The following GRHL1 variants were observed in gnomAD, a reference collection of about 807,000 sequenced individuals.
The protein encoded by GRHL1 is grainyhead-like protein 1 homolog.
GRHL1 carries 38 observed loss-of-function variants against 75.7 expected under a neutral mutation model. The observed-to-expected ratio is 0.50, with a 90% CI of 0.39 to 0.66. GRHL1 has a LOEUF of 0.66. Among genes scored for constraint, GRHL1 ranks in the 30% least tolerant of loss-of-function variants. The pLI is 0.00. For synonymous variants in GRHL1, 266 were observed against 279.4 expected (o/e 0.95, Z 0.48); for missense variants, 589 against 767.5 (o/e 0.77, Z 2.75).
intron 5 of GRHL1, among the ~76,000 whole-genome samples, chr2:9,963,091 G>A (rs1042652186): frequency 3.9e-5 from 6 of 152,150 alleles, no homozygotes; most frequent in African/African-American, 1.4e-4. Context: ...AGTTTTAAAA[G>A]TGTCTAAGAT....
chr2:9,960,938 G>A, intron 3 of GRHL1, 108 bp from the exon 4 acceptor site: 1 of 761,596 alleles, frequency 1.3e-6, no homozygotes, highest in East Asian at 2.7e-5. Context: ...TGTTTATTCT[G>A]TCAAGTGTTA....
rs1459121592 is a variant in GRHL1 at position 9,965,295 on chromosome 2, A to G, written c.1024A>G (p.Lys342Glu). Residue 342 changes from lysine (K) to glutamate (E), a missense_variant, in exon 8 of 16, where the codon AAA becomes GAA. Physicochemically the swap from Lys to Glu is moderately conservative, Grantham distance 56. Transcript: ENST00000324907. ...TCCACCGCTTCCTGTAGCTGACTAT[A>G]AAGAAAGCTTCAACACTATCAGTAA... is the stretch of plus-strand genomic sequence containing the variant. ...KQRCIDIADY[K>E]ESFNTISNIE... The G allele has an allele frequency of 6.3e-7, 1 of 1,596,358 alleles. No individual in the cohort carries two copies. Among genetic ancestry groups the G allele is most frequent in the Non-Finnish European group, 8.6e-7 (1 of 1,163,880 alleles).
intron 3 of GRHL1, 164 bp from the exon 4 acceptor site, chr2:9,960,882 A>AAAG (rs1439207669): frequency 1.1e-5 from 6 of 554,672 alleles, no homozygotes; most frequent in African/African-American, 5.6e-5. Context: ...CGATAACCAG[A>AAAG]AAGCCTTTTT....
At chr2:9,955,617 A>G (rs1326857911) in intron 2 of GRHL1, among the ~76,000 whole-genome samples, 1 of 152,216 alleles carries the variant, frequency 6.6e-6, no homozygotes, top group Admixed American at 6.5e-5. Context: ...TATACTCTGC[A>G]TGGAATTTTA....
At chr2:9,964,643 G>T in intron 7 of GRHL1, 1 of 264,752 alleles carries the variant, frequency 3.8e-6, no homozygotes. Flanking sequence ...TTGCTTTAAG[G>T]GGTAATATCT....
intron 8 of GRHL1, chr2:9,965,659 C>T (rs1667461743): frequency 9.9e-6 from 4 of 405,596 alleles, no homozygotes; most frequent in Non-Finnish European, 1.8e-5. Flanking sequence ...ATTTGCTTTG[C>T]CTCATTTCCT....
chr2:9,998,067 TG>T (rs1356831204), intron 14 of GRHL1, among the ~76,000 whole-genome samples: 1 of 152,132 alleles, frequency 6.6e-6, no homozygotes, highest in East Asian at 1.9e-4. Context: ...TTTGGAAGGT[TG>T]GCAGGATCTG....
intron 14 of GRHL1, 75 bp from the exon 15 acceptor site, chr2:9,998,890 A>ATATATATATGTACACATATATATACG: frequency 9.8e-6 from 3 of 304,856 alleles, no homozygotes; most frequent in South Asian, 5.8e-5. Flanking sequence ...ATATATATAC[A>ATATATATATGTACACATATATATACG]TATATATATA....
intron 8 of GRHL1, among the ~76,000 whole-genome samples, chr2:9,983,412 G>A (rs1481023741): frequency 6.6e-6 from 1 of 152,130 alleles, no homozygotes; most frequent in East Asian, 1.9e-4. Context: ...AGAGAGAAAT[G>A]TATATCAGTA....
In GRHL1 at chr2:9,998,782, G is replaced by A. The variant is rs539558631; in HGVS notation, c.1678-183G>A. On this transcript the variant is annotated intron_variant, in intron 14 of 15. Transcript: ENST00000324907. Reference sequence around the variant, plus strand: ...TATATATATGTACACACATATATACGTATATATATGTACACACATATATAT... The same window carrying A: ...TATATATATGTACACACATATATACATATATATATGTACACACATATATAT... Among the ~76,000 whole-genome samples the A allele has an allele frequency of 4.6e-4, 13 of 28,442 alleles. 3 individuals carry two copies. The highest frequency in any genetic ancestry group is 7.8e-4 in the African/African-American group (3 of 3,830). 18.7% of individuals were successfully genotyped at this position (28,442 alleles called of 152,430 possible). A position where few individuals can be genotyped will look rare whatever the true frequency, so the allele number is the denominator to read the frequency against.
intron 12 of GRHL1, among the ~76,000 whole-genome samples, chr2:9,993,919 T>G (rs1266970885): frequency 6.6e-6 from 1 of 152,244 alleles, no homozygotes; most frequent in Non-Finnish European, 1.5e-5. Context: ...TTTATTGCTA[T>G]CAGTATGAAC....
intron 13 of GRHL1, 49 bp from the exon 14 acceptor site, chr2:9,996,267 T>A (rs1429949232): frequency 2.2e-6 from 3 of 1,337,646 alleles, no homozygotes; most frequent in Non-Finnish European, 3.2e-6. Context: ...AACTGTATCC[T>A]TTTTTTCCTC....
intron 12 of GRHL1, among the ~76,000 whole-genome samples, chr2:9,994,523 C>T (rs1250005366): frequency 2.0e-5 from 3 of 152,146 alleles, no homozygotes; most frequent in African/African-American, 4.8e-5. Context: ...AACCGTCATA[C>T]TGGGGACATT....
chr2:9,983,419 A>G (rs983260224), intron 8 of GRHL1, among the ~76,000 whole-genome samples: 1 of 152,188 alleles, frequency 6.6e-6, no homozygotes, highest in African/African-American at 2.4e-5. Context: ...AATGTATATC[A>G]GTAAGAGACT....
chr2:9,983,420 G>C (rs1272134633), intron 8 of GRHL1, among the ~76,000 whole-genome samples: 2 of 152,130 alleles, frequency 1.3e-5, no homozygotes, highest in Admixed American at 1.3e-4. Context: ...ATGTATATCA[G>C]TAAGAGACTG....
rs1166931689 is a variant in GRHL1, at chr2:9,981,042, G to C, written c.1111-5082G>C. Among the ~76,000 whole-genome samples the C allele has an allele frequency of 3.3e-5, 5 of 152,266 alleles. No homozygotes were observed. The East Asian group carries it at 9.6e-4, about 29-fold the overall frequency. On this transcript the variant is annotated intron_variant, in intron 8 of 15. Coordinates refer to ENST00000324907, the MANE Select transcript of GRHL1 (RefSeq NM_198182.3). ...GCCCATTAGGTAGAATCCATGGGAA[G>C]TGTTAAAACTGAGGAACAAAGTGTG...
intron 8 of GRHL1, among the ~76,000 whole-genome samples, chr2:9,979,074 C>T (rs370887784): frequency 3.6e-5 from 5 of 138,966 alleles, no homozygotes; most frequent in East Asian, 4.4e-4. Context: ...GCACGAGAAT[C>T]GCTTGAACCC....
At chr2:9,981,357 C>T (rs1452537272) in intron 8 of GRHL1, among the ~76,000 whole-genome samples, 2 of 152,148 alleles carry the variant, frequency 1.3e-5, no homozygotes, top group South Asian at 2.1e-4. Context: ...GTCGCTTATG[C>T]GGAAAGTGGA....
At chr2:9,957,191 A>G (rs949361107) in intron 2 of GRHL1, among the ~76,000 whole-genome samples, 3 of 151,766 alleles carry the variant, frequency 2.0e-5, no homozygotes, top group Non-Finnish European at 2.9e-5. Flanking sequence ...GAGTCTCACT[A>G]TGTTGCCCAG....
Sources: gnomAD v4.1 joint callset for allele counts (sites outside exome capture counted in the v4.1 genomes callset) on GRCh38, gnomAD v4.1.1 for gene constraint, MANE v1.5 for transcripts, NCBI Gene and HGNC (gene_info 2026-07-23, HGNC 2026-07-21) for gene names.